Variants in TPTE2 observed in about 807,000 individuals in gnomAD.
TPTE2 encodes phosphatidylinositol 3,4,5-trisphosphate 3-phosphatase TPTE2.
Under a neutral mutation model 78.6 loss-of-function variants are expected in TPTE2, and 53 were observed. The ratio of observed to expected loss-of-function variants is 0.67; its 90% CI spans 0.54 to 0.85. TPTE2 has a LOEUF of 0.85. Ranked by LOEUF, TPTE2 falls within the 40% of genes least tolerant of loss-of-function variation. The probability of loss-of-function intolerance (pLI) is 0.00; values close to 1 mark genes in which losing one functional copy is unlikely to be tolerated. For synonymous variants in TPTE2, 175 were observed against 206.2 expected, an observed-to-expected ratio of 0.85 and a Z score of 1.30; for missense variants, 461 against 623.0, an observed-to-expected ratio of 0.74 and a Z score of 2.77.
chr13:19,424,236 G>A (rs537703739), intron 19 of TPTE2, among the ~76,000 whole-genome samples: 227 of 152,282 alleles, frequency 1.5e-3, no homozygotes, highest in African/African-American at 4.4e-3. Context: ...TGAAGAGTAT[G>A]GTTGATACAA....
chr13:19,499,511 A>G (rs60777352), intron 1 of TPTE2, among the ~76,000 whole-genome samples: 4,027 of 136,806 alleles, frequency 0.029, 233 homozygotes, highest in African/African-American at 0.11. Flanking sequence ...AAAACCACTC[A>G]ACTACATGGA....
At chr13:19,551,094 C>T in the TPTE2 span, among the ~76,000 whole-genome samples, 1 of 152,164 alleles carries the variant, frequency 6.6e-6, no homozygotes, top group South Asian at 2.1e-4. Flanking sequence ...GAAGAGGAAA[C>T]TAAGGCCCAG....
intron 1 of TPTE2, among the ~76,000 whole-genome samples, chr13:19,533,618 T>A (rs1313118601): frequency 2.0e-5 from 3 of 152,232 alleles, no homozygotes; most frequent in Non-Finnish European, 4.4e-5. Flanking sequence ...GCAAGTAGTA[T>A]GTATTAATAC....
chr13:19,555,343 G>A, the TPTE2 span, among the ~76,000 whole-genome samples: 3 of 152,122 alleles, frequency 2.0e-5, no homozygotes, highest in Non-Finnish European at 4.4e-5. Context: ...GGAACAAGAC[G>A]TGGGAATCAT....
At chr13:19,476,548 G>A (rs1879949188) in intron 4 of TPTE2, among the ~76,000 whole-genome samples, 1 of 151,992 alleles carries the variant, frequency 6.6e-6, no homozygotes, top group Non-Finnish European at 1.5e-5. Context: ...ACTGACAATT[G>A]GCCTTTGACA....
At chr13:19,491,155 T>A (rs1474111046) in intron 3 of TPTE2, among the ~76,000 whole-genome samples, 2 of 152,206 alleles carry the variant, frequency 1.3e-5, no homozygotes, top group African/African-American at 2.4e-5. Context: ...TGTATACTTT[T>A]GTGTGTGTCT....
intron 1 of TPTE2, among the ~76,000 whole-genome samples, chr13:19,497,404 G>A (rs1297360665): frequency 7.5e-6 from 1 of 132,658 alleles, no homozygotes; most frequent in African/African-American, 2.6e-5. Context: ...GTCCCTGTCT[G>A]ACAGCTTTGA....
chr13:19,427,257 G>A (rs1593342806), intron 17 of TPTE2, among the ~76,000 whole-genome samples: 1 of 151,028 alleles, frequency 6.6e-6, no homozygotes, highest in Non-Finnish European at 1.5e-5. Flanking sequence ...GCTAATTTTT[G>A]TATTTTTAGT....
chr13:19,495,482 G>C (rs1419470008), intron 1 of TPTE2, among the ~76,000 whole-genome samples: 2 of 152,170 alleles, frequency 1.3e-5, no homozygotes, highest in Non-Finnish European at 2.9e-5. Flanking sequence ...CCCTCTGTGA[G>C]TTCCTCCCCA....
At chr13:19,475,366 C>T (rs1687117409) in intron 5 of TPTE2, among the ~76,000 whole-genome samples, 1 of 152,086 alleles carries the variant, frequency 6.6e-6, no homozygotes, top group African/African-American at 2.4e-5. Flanking sequence ...GCTGGGATTA[C>T]AGGCACCTGC....
intron 19 of TPTE2, among the ~76,000 whole-genome samples, chr13:19,424,497 C>T (rs1397435241): frequency 6.6e-6 from 1 of 152,122 alleles, no homozygotes; most frequent in Non-Finnish European, 1.5e-5. Flanking sequence ...GTAACTTCTC[C>T]CAGATATAAG....
At chr13:19,440,589 G>A (rs1391826727) in intron 13 of TPTE2, among the ~76,000 whole-genome samples, 2 of 152,036 alleles carry the variant, frequency 1.3e-5, no homozygotes, top group African/African-American at 4.8e-5. Flanking sequence ...GGCCAACATA[G>A]TGAAACTCCG....
At chr13:19,476,991 GA>G (rs1384886332) in intron 4 of TPTE2, among the ~76,000 whole-genome samples, 1 of 152,122 alleles carries the variant, frequency 6.6e-6, no homozygotes, top group Non-Finnish European at 1.5e-5. Context: ...ACTGGATAAA[GA>G]AAATGTGGTA....
upstream of TPTE2, among the ~76,000 whole-genome samples, chr13:19,539,366 TAGTG>T (rs773141368): frequency 2.0e-5 from 3 of 152,184 alleles, no homozygotes; most frequent in Admixed American, 1.3e-4. Context: ...ATTCTTGTGA[TAGTG>T]AGTAAGTCTT....
At chr13:19,540,417 A>C (rs901856119), upstream of TPTE2, among the ~76,000 whole-genome samples, 4 of 151,448 alleles carry the variant, frequency 2.6e-5, no homozygotes, top group Admixed American at 2.0e-4. Context: ...CGATCCTCCC[A>C]CCCCAGCCTC....
At chr13:19,428,377 G>A (rs1371162326) in intron 17 of TPTE2, among the ~76,000 whole-genome samples, 3 of 152,142 alleles carry the variant, frequency 2.0e-5, no homozygotes, top group Non-Finnish European at 4.4e-5. Flanking sequence ...GAACCCAGGA[G>A]GCAGAGGTTG....
At chr13:19,500,499 C>A (rs1362860844) in intron 1 of TPTE2, among the ~76,000 whole-genome samples, 1 of 150,574 alleles carries the variant, frequency 6.6e-6, no homozygotes, top group Admixed American at 6.6e-5. Context: ...GTTCAATATA[C>A]GCAAATCAAT....
upstream of TPTE2, among the ~76,000 whole-genome samples, chr13:19,538,306 C>T (rs1425240183): frequency 6.6e-6 from 1 of 151,828 alleles, no homozygotes; most frequent in East Asian, 2.0e-4. Flanking sequence ...CTGCAAGCTC[C>T]GCCTCCCGGG....
intron 1 of TPTE2, among the ~76,000 whole-genome samples, chr13:19,531,296 C>CA (rs1870852485): frequency 6.6e-6 from 1 of 152,090 alleles, no homozygotes; most frequent in Admixed American, 6.5e-5. Context: ...GTGACTTTAT[C>CA]CTGTTTTACA....
Sources: allele counts gnomAD v4.1 joint callset (sites outside exome capture counted in the v4.1 genomes callset), GRCh38; gene constraint gnomAD v4.1.1; transcripts MANE v1.5; gene names NCBI Gene and HGNC (gene_info 2026-07-23, HGNC 2026-07-21).